CCDC141: variants seen among roughly 807,000 people sequenced by gnomAD.
CCDC141 encodes the protein coiled-coil domain-containing protein 141.
In CCDC141, 168 loss-of-function variants were observed where a neutral mutation model predicts 181.0. The ratio of observed to expected loss-of-function variants is 0.93; its 90% CI spans 0.82 to 1.05. The LOEUF is 1.05. Among genes scored for constraint, CCDC141 ranks in the 50% least tolerant of loss-of-function variants. The pLI is 0.00. For synonymous variants in CCDC141, 666 were observed against 642.3 expected, an observed-to-expected ratio of 1.04 and a Z score of -0.56; for missense variants, 1,902 against 1,788.5, an observed-to-expected ratio of 1.06 and a Z score of -1.14.
intron 17 of CCDC141, among the ~76,000 whole-genome samples, chr2:178,864,622 T>C (rs1233972581): frequency 6.6e-6 from 1 of 152,214 alleles, no homozygotes; most frequent in Non-Finnish European, 1.5e-5. Context: ...GTAGCCACTC[T>C]TGCTCTCTTC....
At chr2:178,966,107 G>C (rs186437278) in intron 4 of CCDC141, among the ~76,000 whole-genome samples, 169 of 152,316 alleles carry the variant, frequency 1.1e-3, no homozygotes, top group African/African-American at 4.0e-3. Flanking sequence ...AAAAAAGGCA[G>C]CCGCCCCAGT....
chr2:178,875,471 A>T (rs571490340), intron 12 of CCDC141: 4 of 152,202 alleles, frequency 2.6e-5, no homozygotes, highest in African/African-American at 9.6e-5. Flanking sequence ...GGACTGAGGC[A>T]TGAGAATTGC....
At chr2:178,988,950 T>C (rs1337100955) in intron 2 of CCDC141, among the ~76,000 whole-genome samples, 1 of 152,194 alleles carries the variant, frequency 6.6e-6, no homozygotes, top group Non-Finnish European at 1.5e-5. Context: ...GATATTCACA[T>C]GTAAAAGAAT....
intron 5 of CCDC141, among the ~76,000 whole-genome samples, chr2:178,953,256 GA>G (rs1327574201): frequency 6.6e-6 from 1 of 152,156 alleles, no homozygotes; most frequent in Non-Finnish European, 1.5e-5. Flanking sequence ...CTAACATGGT[GA>G]AACTGCATCT....
chr2:178,981,558 A>G (rs968414713), intron 2 of CCDC141, among the ~76,000 whole-genome samples: 2 of 149,758 alleles, frequency 1.3e-5, no homozygotes, highest in Admixed American at 6.7e-5. Flanking sequence ...GAAAATGAAA[A>G]TATGATGTAT....
At chr2:179,024,980 C>T (rs1411786856) in intron 2 of CCDC141, among the ~76,000 whole-genome samples, 8 of 152,060 alleles carry the variant, frequency 5.3e-5, no homozygotes, top group Non-Finnish European at 2.9e-5. Flanking sequence ...TATATGAGTC[C>T]TGTGGTTTAT....
chr2:178,898,963 C>A (rs1687545329), intron 8 of CCDC141, among the ~76,000 whole-genome samples: 1 of 152,128 alleles, frequency 6.6e-6, no homozygotes, highest in Non-Finnish European at 1.5e-5. Context: ...TTTGATACAA[C>A]TGACTGTGCT....
intron 2 of CCDC141, among the ~76,000 whole-genome samples, chr2:179,039,655 A>C (rs987510567): frequency 2.0e-5 from 3 of 152,208 alleles, no homozygotes; most frequent in Non-Finnish European, 4.4e-5. Flanking sequence ...GATTAGAACA[A>C]ATTGCAAGAC....
chr2:178,981,671 C>CATAT (rs199892457), intron 2 of CCDC141, among the ~76,000 whole-genome samples: 30,215 of 111,664 alleles, frequency 0.27, 4,569 homozygotes, highest in Non-Finnish European at 0.35. Context: ...TACATATATA[C>CATAT]ATATATATAT....
intron 2 of CCDC141, among the ~76,000 whole-genome samples, chr2:179,037,208 G>A (rs2655151): frequency 1 from 151,891 of 152,330 alleles, 75,732 homozygotes; most frequent in Middle Eastern, 1. Flanking sequence ...AGTCTCACCA[G>A]TCAGGTGACA....
At chr2:178,869,030 T>G in intron 15 of CCDC141, 87 bp downstream of exon 15, 2 of 911,314 alleles carry the variant, frequency 2.2e-6, no homozygotes, top group South Asian at 2.8e-5. Context: ...GAAGACACAA[T>G]TTGGCCTTTA....
chr2:179,013,362 T>A (rs1215882828), intron 2 of CCDC141, among the ~76,000 whole-genome samples: 1 of 152,034 alleles, frequency 6.6e-6, no homozygotes, highest in Non-Finnish European at 1.5e-5. Flanking sequence ...AAACCCCTTT[T>A]ACAATGGCTG....
chr2:178,836,869 T>C (rs895128285), intron 23 of CCDC141, 25 bp downstream of exon 23: 1 of 1,578,986 alleles, frequency 6.3e-7, no homozygotes. Flanking sequence ...TTTCCATTTA[T>C]GGCTTGTCAT....
chr2:178,918,370 T>G (rs1688543279), intron 7 of CCDC141, among the ~76,000 whole-genome samples: 1 of 152,110 alleles, frequency 6.6e-6, no homozygotes, highest in Non-Finnish European at 1.5e-5. Context: ...ATCACGCCAC[T>G]ACACTCCAGC....
At chr2:178,867,488 CT>C (rs1240841844) in intron 16 of CCDC141, among the ~76,000 whole-genome samples, 2 of 152,066 alleles carry the variant, frequency 1.3e-5, no homozygotes, top group African/African-American at 4.8e-5. Context: ...TCTTTGAAAT[CT>C]GGTGTGTATT....
At chr2:178,883,650 G>A (rs1686732542) in intron 11 of CCDC141, among the ~76,000 whole-genome samples, 1 of 152,094 alleles carries the variant, frequency 6.6e-6, no homozygotes, top group Non-Finnish European at 1.5e-5. Flanking sequence ...TCTTGGGTTG[G>A]CTCTACCCCT....
chr2:178,952,649 A>G (rs1689998814), intron 5 of CCDC141, among the ~76,000 whole-genome samples: 1 of 152,236 alleles, frequency 6.6e-6, no homozygotes, highest in South Asian at 2.1e-4. Context: ...TACAAATACT[A>G]TCAGATCCTT....
At chr2:178,994,934 G>A (rs1246655184) in intron 2 of CCDC141, among the ~76,000 whole-genome samples, 1 of 152,166 alleles carries the variant, frequency 6.6e-6, no homozygotes, top group Non-Finnish European at 1.5e-5. Flanking sequence ...ATTTCCATCT[G>A]AGACCACATC....
intron 17 of CCDC141, among the ~76,000 whole-genome samples, chr2:178,864,426 T>G (rs568570279): frequency 3.1e-4 from 47 of 152,320 alleles, no homozygotes; most frequent in Non-Finnish European, 5.4e-4. Flanking sequence ...GAAGTGGCCA[T>G]TCTATCAAGT....
Sources: gnomAD v4.1 joint callset for allele counts (sites outside exome capture counted in the v4.1 genomes callset) on GRCh38, gnomAD v4.1.1 for gene constraint, MANE v1.5 for transcripts, NCBI Gene and HGNC (gene_info 2026-07-23, HGNC 2026-07-21) for gene names.